The following ZPLD1 variants were observed in gnomAD, a reference collection of about 807,000 sequenced individuals.
ZPLD1 encodes the protein zona pellucida-like domain-containing protein 1.
Under a neutral mutation model 47.2 loss-of-function variants are expected in ZPLD1, and 34 were observed. That is an observed-to-expected ratio of 0.72 (90% confidence interval 0.55 to 0.96). ZPLD1 has a LOEUF of 0.96. Among genes scored for constraint, ZPLD1 ranks in the 40% least tolerant of loss-of-function variants. ZPLD1 has a pLI of 0.00. For missense variants in ZPLD1, 512 were observed against 505.8 expected (o/e 1.01, Z -0.12); for synonymous variants, 176 against 186.2 (o/e 0.95, Z 0.45).
chr3:102,407,667 G>C (rs910674836), intron 7 of ZPLD1, among the ~76,000 whole-genome samples: 3 of 151,030 alleles, frequency 2.0e-5, no homozygotes, highest in African/African-American at 7.3e-5. Flanking sequence ...CACAGTCATG[G>C]CTCTGTACTC....
At chr3:102,463,883 C>CAAAAAAAAAAAA (rs1211126564) in intron 7 of ZPLD1, among the ~76,000 whole-genome samples, 1 of 110,210 alleles carries the variant, frequency 9.1e-6, no homozygotes, top group African/African-American at 3.4e-5. Flanking sequence ...ATTAAAAATA[C>CAAAAAAAAAAAA]AAAAAAAAAA....
chr3:102,479,399 T>C lies in ZPLD1; in HGVS notation c.*1781T>C, dbSNP rs1707806189. 1 of 152,192 alleles carries C rather than the reference T, an allele frequency of 6.6e-6. No individual in the cohort carries two copies. Among genetic ancestry groups the C allele is most frequent in the Non-Finnish European group, 1.5e-5 (1 of 68,016 alleles). The allele number at this position is 152,192 out of a possible 1,614,324, so 9.4% of individuals were successfully genotyped here. A position where few individuals can be genotyped will look rare whatever the true frequency, so the allele number is the denominator to read the frequency against. On this transcript the variant is annotated 3_prime_UTR_variant, in exon 12 of 12. Transcript: ENST00000466937. The stretch of plus-strand genomic sequence containing the variant: ...AAGTGAATTGCCATTGATTCTACGA[T>C]TAAGTTCTGTGAATAGGACATTATA...
rs937038735 is a variant in ZPLD1 at position 102,410,473 on chromosome 3, AC to A, written c.-156-7586del. The stretch of plus-strand genomic sequence containing the variant: ...CCATAGAAGTGCTGTTTTCAAAAAA[AC>A]ATTGCTCAAAAATTTATATGCACAA... On this transcript the variant is annotated intron_variant, in intron 7 of 17. Transcript: ENST00000491959. Among the ~76,000 whole-genome samples the A allele has an allele frequency of 7.1e-4, 108 of 151,918 alleles. 1 individual carries two copies. The highest frequency in any genetic ancestry group is 2.3e-3 in the African/African-American group (97 of 41,512).
At chr3:102,442,319 AACACACACACACACACACACAC>A (rs34634788) in intron 3 of ZPLD1, among the ~76,000 whole-genome samples, 149 of 139,950 alleles carry the variant, frequency 1.1e-3, no homozygotes, top group African/African-American at 3.7e-3. Context: ...TACACCCATA[AACACACACACACACACACACAC>A]ACACACACAC....
At chr3:102,423,477 T>C (rs1466296801) in intron 8 of ZPLD1, among the ~76,000 whole-genome samples, 4 of 152,102 alleles carry the variant, frequency 2.6e-5, no homozygotes, top group Non-Finnish European at 4.4e-5. Flanking sequence ...CATTATATTA[T>C]CTTAACTCAA....
chr3:102,413,577 A>G (rs1706770137), intron 7 of ZPLD1, among the ~76,000 whole-genome samples: 1 of 151,794 alleles, frequency 6.6e-6, no homozygotes, highest in Non-Finnish European at 1.5e-5. Flanking sequence ...TGCTGAAAAT[A>G]TATACATGCA....
intron 8 of ZPLD1, among the ~76,000 whole-genome samples, chr3:102,429,941 A>G (rs980820902): frequency 6.6e-6 from 1 of 152,052 alleles, no homozygotes; most frequent in Non-Finnish European, 1.5e-5. Context: ...TTTCGTACTC[A>G]CTCTGCACCT....
intron 4 of ZPLD1, among the ~76,000 whole-genome samples, chr3:102,454,597 T>C (rs1345436775): frequency 6.6e-6 from 1 of 152,220 alleles, no homozygotes; most frequent in African/African-American, 2.4e-5. Flanking sequence ...GGCTAACTCC[T>C]GTAATCCCAG....
intron 6 of ZPLD1, among the ~76,000 whole-genome samples, chr3:102,389,014 T>C (rs1706466919): frequency 6.6e-6 from 1 of 152,202 alleles, no homozygotes; most frequent in Admixed American, 6.5e-5. Context: ...AGTTTAACTC[T>C]TCTGGGCTGT....
chr3:102,398,903 TATG>T (rs1553707868), intron 7 of ZPLD1, among the ~76,000 whole-genome samples: 1 of 151,196 alleles, frequency 6.6e-6, no homozygotes, highest in Non-Finnish European at 1.5e-5. Flanking sequence ...CACACACACA[TATG>T]CACGCACACA....
At chr3:102,470,127 A>G (rs1403168566) in intron 9 of ZPLD1, among the ~76,000 whole-genome samples, 1 of 152,188 alleles carries the variant, frequency 6.6e-6, no homozygotes, top group African/African-American at 2.4e-5. Flanking sequence ...AGTTTGATAA[A>G]CACAGCACTT....
intron 3 of ZPLD1, among the ~76,000 whole-genome samples, chr3:102,449,925 C>T (rs1390616193): frequency 6.6e-6 from 1 of 152,056 alleles, no homozygotes; most frequent in African/African-American, 2.4e-5. Context: ...TGCTCCAGTA[C>T]CTTATATGAT....
chr3:102,419,131 T>A (rs952650713), intron 8 of ZPLD1, among the ~76,000 whole-genome samples: 1 of 152,054 alleles, frequency 6.6e-6, no homozygotes, highest in African/African-American at 2.4e-5. Flanking sequence ...AGTTCTAAAC[T>A]GTCAGTTTAA....
Position 102,477,612 on chromosome 3 carries a change from T to C in ZPLD1, c.1242T>C (p.Phe414=). 2 of 1,612,196 alleles carry C rather than the reference T, an allele frequency of 1.2e-6. No individual in the cohort carries two copies. Among genetic ancestry groups the C allele is most frequent in the Non-Finnish European group, 1.7e-6 (2 of 1,179,140 alleles). The change falls in exon 12 of 12, where the codon TTT becomes TTC. Residue 414 remains phenylalanine, a synonymous_variant. Coordinates refer to ENST00000466937, the MANE Select transcript of ZPLD1 (RefSeq NM_001329788.2). ...LVLNGIRNPV[F]D ...TGAATGGCATAAGAAACCCAGTCTT[T>C]GACTGACTATAACAGATTCCTGCTC...
intron 7 of ZPLD1, among the ~76,000 whole-genome samples, chr3:102,394,869 G>C (rs889357141): frequency 1.1e-4 from 16 of 152,156 alleles, no homozygotes; most frequent in African/African-American, 3.9e-4. Context: ...TTTGAAGAAG[G>C]CTTTTTAAGA....
chr3:102,470,924 G>A (rs543149004), intron 10 of ZPLD1, among the ~76,000 whole-genome samples: 2 of 151,952 alleles, frequency 1.3e-5, no homozygotes, highest in Admixed American at 6.6e-5. Context: ...GATTACAGGC[G>A]CCTGCCACCA....
intron 7 of ZPLD1, among the ~76,000 whole-genome samples, chr3:102,412,410 G>A (rs1482274885): frequency 1.3e-5 from 2 of 151,652 alleles, no homozygotes; most frequent in Non-Finnish European, 3.0e-5. Flanking sequence ...TTTGATTCTA[G>A]AACCAGACAT....
In ZPLD1 at chr3:102,479,535, CAT is replaced by C. The variant is rs1323158882; in HGVS notation, c.*1918_*1919del. On this transcript the variant is annotated 3_prime_UTR_variant, in exon 12 of 12. Coordinates refer to ENST00000466937, the MANE Select transcript of ZPLD1 (RefSeq NM_001329788.2). ...ATTTTATAGAATTGAATAATGGACA[CAT>C]GTCACTTGGGAAGCAACGTAAGTAT... 6.6e-6 allele frequency: 1 copy of C among 152,148 alleles called. No individual in the cohort carries two copies. Among genetic ancestry groups the C allele is most frequent in the Admixed American group, 6.5e-5 (1 of 15,280 alleles). The allele number at this position is 152,148 out of a possible 1,614,324, so 9.4% of individuals were successfully genotyped here. A position where few individuals can be genotyped will look rare whatever the true frequency, so the allele number is the denominator to read the frequency against.
chr3:102,452,049 C>A (rs1392177825), intron 3 of ZPLD1, among the ~76,000 whole-genome samples: 2 of 151,876 alleles, frequency 1.3e-5, no homozygotes, highest in Non-Finnish European at 2.9e-5. Context: ...CAGCCACTCT[C>A]CCCATTTCCT....
Sources: gnomAD v4.1 joint callset for allele counts (sites outside exome capture counted in the v4.1 genomes callset) on GRCh38, gnomAD v4.1.1 for gene constraint, MANE v1.5 for transcripts, NCBI Gene and HGNC (gene_info 2026-07-23, HGNC 2026-07-21) for gene names.